The following PSD3 variants were observed in gnomAD, a reference collection of about 807,000 sequenced individuals.
The protein encoded by PSD3 is pleckstrin and Sec7 domain containing 3, also known as PH and SEC7 domain-containing protein 3.
PSD3 carries 49 observed loss-of-function variants against 105.5 expected under a neutral mutation model. That is an observed-to-expected ratio of 0.46 (90% CI 0.37 to 0.59). The LOEUF is 0.59. Ranked by LOEUF, PSD3 falls within the 20% of genes least tolerant of loss-of-function variation. PSD3 has a pLI of 0.00. For synonymous variants in PSD3, 557 were observed against 457.8 expected, an observed-to-expected ratio of 1.22 and a Z score of -2.77; for missense variants, 1,561 against 1,263.8, an observed-to-expected ratio of 1.24 and a Z score of -3.57.
chr8:18,646,105 T>C (rs1808016009), intron 10 of PSD3, among the ~76,000 whole-genome samples: 1 of 152,164 alleles, frequency 6.6e-6, no homozygotes, highest in East Asian at 1.9e-4. Context: ...GAGAATGTTA[T>C]TCTAGTATTT....
intron 9 of PSD3, among the ~76,000 whole-genome samples, chr8:18,696,306 A>G (rs982768360): frequency 3.9e-5 from 6 of 152,218 alleles, no homozygotes; most frequent in African/African-American, 1.4e-4. Flanking sequence ...GAAACTTCAC[A>G]TTATCTCATT....
chr8:19,084,383 A>G (rs1829742181), exon 1 of PSD3: 2 of 456,060 alleles, frequency 4.4e-6, no homozygotes, highest in Non-Finnish European at 8.8e-6. Context: ...TTTCCGCTCC[A>G]TCTGCAGCGT....
chr8:18,882,181 C>T (rs894311192), intron 2 of PSD3, among the ~76,000 whole-genome samples: 4 of 151,726 alleles, frequency 2.6e-5, no homozygotes, highest in African/African-American at 7.3e-5. Flanking sequence ...GCCCTCTAGC[C>T]GGGACAACAC....
chr8:18,706,288 T>C (rs1365043332), intron 9 of PSD3, among the ~76,000 whole-genome samples: 1 of 152,204 alleles, frequency 6.6e-6, no homozygotes, highest in Non-Finnish European at 1.5e-5. Flanking sequence ...GTTTAGTAAA[T>C]ACACAATGCA....
chr8:18,769,659 C>G (rs1013135101), intron 8 of PSD3, among the ~76,000 whole-genome samples: 2 of 152,208 alleles, frequency 1.3e-5, no homozygotes, highest in African/African-American at 4.8e-5. Context: ...TAGGGACCAC[C>G]TGGCAAGCAC....
Position 18,923,707 on chromosome 8 carries a change from C to T in PSD3, c.130+12327G>A, listed in dbSNP as rs1177824086. Among the ~76,000 whole-genome samples, 3 of 152,102 alleles carry T rather than the reference C, an allele frequency of 2.0e-5. No individual in the cohort carries two copies. The East Asian group carries it at 5.8e-4, about 29-fold the overall frequency. On this transcript the variant is annotated intron_variant, in intron 2 of 15. Transcript: ENST00000327040. ...GCGTAAGTACATTTTATGATGTTTG[C>T]ACAAAGATGAAATCGCTTTATGACA...
At chr8:18,807,531 A>G (rs1226255042) in intron 4 of PSD3, among the ~76,000 whole-genome samples, 1 of 152,136 alleles carries the variant, frequency 6.6e-6, no homozygotes, top group African/African-American at 2.4e-5. Flanking sequence ...GGTCTACCAA[A>G]CCCATGCTGG....
At chr8:19,008,033 A>G (rs1195417750) in intron 1 of PSD3, among the ~76,000 whole-genome samples, 1 of 125,312 alleles carries the variant, frequency 8.0e-6, no homozygotes, top group African/African-American at 3.0e-5. Context: ...AGTAAAAACA[A>G]GGCTTCACCA....
intron 2 of PSD3, among the ~76,000 whole-genome samples, chr8:18,934,471 C>T (rs1360877681): frequency 1.3e-5 from 2 of 152,070 alleles, no homozygotes; most frequent in East Asian, 1.9e-4. Flanking sequence ...AGTGCAGTGG[C>T]GTGATCTCGG....
chr8:19,028,957 T>C (rs531079754), intron 1 of PSD3, among the ~76,000 whole-genome samples: 11 of 152,352 alleles, frequency 7.2e-5, no homozygotes, highest in South Asian at 2.1e-4. Flanking sequence ...ATTTACCTTA[T>C]TGAAAATCAA....
chr8:18,588,329 A>G (rs1803347201), intron 12 of PSD3, among the ~76,000 whole-genome samples: 1 of 152,220 alleles, frequency 6.6e-6, no homozygotes, highest in Non-Finnish European at 1.5e-5. Context: ...ATGAAGTTTA[A>G]GCTTCCATTG....
chr8:19,028,283 C>G (rs866352449), intron 1 of PSD3, among the ~76,000 whole-genome samples: 53 of 96,866 alleles, frequency 5.5e-4, no homozygotes, highest in African/African-American at 2.4e-3. Flanking sequence ...ACACCACCCC[C>G]CCCCCCCGGC....
chr8:18,986,355 A>G (rs2129473129), intron 1 of PSD3, among the ~76,000 whole-genome samples: 1 of 152,238 alleles, frequency 6.6e-6, no homozygotes, highest in East Asian at 1.9e-4. Flanking sequence ...TTACTGTCAA[A>G]TACTGGGTAC....
At chr8:18,856,009 A>G (rs918799387) in intron 4 of PSD3, among the ~76,000 whole-genome samples, 1 of 152,212 alleles carries the variant, frequency 6.6e-6, no homozygotes, top group African/African-American at 2.4e-5. Context: ...TTAACAGAAC[A>G]GGGGGCAAAG....
intron 9 of PSD3, among the ~76,000 whole-genome samples, chr8:18,666,731 T>C (rs376861989): frequency 7.3e-5 from 9 of 123,950 alleles, no homozygotes; most frequent in Admixed American, 2.7e-4. Flanking sequence ...TTTTGGGGGG[T>C]GGGGGGAAGT....
At chr8:19,020,556 A>T (rs760797296) in intron 1 of PSD3, among the ~76,000 whole-genome samples, 36 of 152,060 alleles carry the variant, frequency 2.4e-4, no homozygotes, top group Admixed American at 4.6e-4. Flanking sequence ...CCCTTGGTAG[A>T]TTTTGAGCAG....
chr8:18,568,691 T>C (rs529837336), intron 14 of PSD3, among the ~76,000 whole-genome samples: 6 of 133,582 alleles, frequency 4.5e-5, no homozygotes, highest in Admixed American at 8.4e-5. Context: ...CTGCTTCTAG[T>C]AGTACCTTCT....
intron 14 of PSD3, among the ~76,000 whole-genome samples, chr8:18,562,996 T>C (rs1009607288): frequency 6.6e-6 from 1 of 152,224 alleles, no homozygotes; most frequent in Non-Finnish European, 1.5e-5. Flanking sequence ...CTTCCTCTTC[T>C]GCATTACGGC....
intron 15 of PSD3, among the ~76,000 whole-genome samples, chr8:18,544,502 A>G (rs1199800373): frequency 6.6e-6 from 1 of 151,944 alleles, no homozygotes; most frequent in Non-Finnish European, 1.5e-5. Flanking sequence ...GCCTAAATAT[A>G]GCAAATAACC....
Sources: allele counts gnomAD v4.1 joint callset (sites outside exome capture counted in the v4.1 genomes callset), GRCh38; gene constraint gnomAD v4.1.1; transcripts MANE v1.5; gene names NCBI Gene and HGNC (gene_info 2026-07-23, HGNC 2026-07-21).